Variants in TFDP2 observed in about 807,000 individuals in gnomAD.
TFDP2 encodes the protein transcription factor Dp-2 (E2F dimerization partner 2).
TFDP2 carries 17 observed loss-of-function variants against 59.3 expected under a neutral mutation model. The ratio of observed to expected loss-of-function variants is 0.29; its 90% CI spans 0.20 to 0.43. The LOEUF is 0.43. TFDP2 is among the 20% of genes least tolerant of loss of function. The pLI is 1.00. For synonymous variants in TFDP2, 180 were observed against 194.7 expected (o/e 0.92, Z 0.63); for missense variants, 391 against 528.8 (o/e 0.74, Z 2.56).
At chr3:142,101,983 T>C (rs1298961773) in intron 1 of TFDP2, 142 bp from the exon 2 acceptor site, 5 of 383,908 alleles carry the variant, frequency 1.3e-5, no homozygotes, top group Non-Finnish European at 2.3e-5. Context: ...GTTTGTACCA[T>C]CTTAATCCCC....
At chr3:142,068,223 A>G (rs1376492283) in intron 3 of TFDP2, among the ~76,000 whole-genome samples, 1 of 152,206 alleles carries the variant, frequency 6.6e-6, no homozygotes, top group African/African-American at 2.4e-5. Flanking sequence ...CTGGATATCT[A>G]CATGTAAAGA....
At chr3:142,019,053 ATT>A (rs62999460) in intron 3 of TFDP2, among the ~76,000 whole-genome samples, 6 of 140,370 alleles carry the variant, frequency 4.3e-5, no homozygotes, top group Non-Finnish European at 4.7e-5. Flanking sequence ...TTCTTCGCAC[ATT>A]TTTTTTTTTT....
intron 9 of TFDP2, among the ~76,000 whole-genome samples, chr3:141,966,772 T>C (rs571296505): frequency 1.3e-4 from 19 of 151,728 alleles, no homozygotes; most frequent in Non-Finnish European, 2.5e-4. Context: ...CTTTACTCAC[T>C]CCATTCTTCT....
At chr3:142,115,415 T>C (rs1190372896) in intron 1 of TFDP2, among the ~76,000 whole-genome samples, 1 of 151,636 alleles carries the variant, frequency 6.6e-6, no homozygotes, top group Non-Finnish European at 1.5e-5. Context: ...ACCTCCCGGA[T>C]TCACGCCATT....
Position 142,006,119 on chromosome 3 carries a change from C to T in TFDP2, c.83-575G>A, listed in dbSNP as rs11569185. Reference sequence around the variant, plus strand: ...ATACTAGAAACAGTGGGATCTGTACCGTGTTTTCAAGTGATTTCAGTATTT... The same window carrying T: ...ATACTAGAAACAGTGGGATCTGTACTGTGTTTTCAAGTGATTTCAGTATTT... On this transcript the variant is annotated intron_variant, in intron 3 of 12. Coordinates refer to ENST00000489671, the MANE Select transcript of TFDP2 (RefSeq NM_001178139.2). 9.9e-3 allele frequency among the ~76,000 whole-genome samples: 1,507 copies of T among 152,144 alleles called. 11 individuals are homozygous for T. The highest frequency in any genetic ancestry group is 0.011 in the Non-Finnish European group (776 of 67,994).
chr3:141,961,784 C>A (rs1470819097), intron 10 of TFDP2, among the ~76,000 whole-genome samples: 3 of 152,068 alleles, frequency 2.0e-5, no homozygotes, highest in Non-Finnish European at 2.9e-5. Flanking sequence ...AAAAATGGAT[C>A]AGCTTTAGTT....
At chr3:141,982,996 T>C (rs1034090005) in intron 6 of TFDP2, among the ~76,000 whole-genome samples, 2 of 152,162 alleles carry the variant, frequency 1.3e-5, no homozygotes, top group African/African-American at 4.8e-5. Context: ...GCATATAACA[T>C]ATGGTACACT....
intron 3 of TFDP2, among the ~76,000 whole-genome samples, chr3:142,034,669 T>G (rs1445477098): frequency 6.6e-6 from 1 of 151,736 alleles, no homozygotes; most frequent in Non-Finnish European, 1.5e-5. Flanking sequence ...GCCTTGCTGA[T>G]CTTACAAATC....
intron 3 of TFDP2, among the ~76,000 whole-genome samples, chr3:142,089,129 G>T: frequency 6.6e-6 from 1 of 151,954 alleles, no homozygotes; most frequent in Admixed American, 6.6e-5. Context: ...GCGTCCAGCA[G>T]GGTTTAAGAT....
At chr3:142,135,513 G>A (rs1004240677) in intron 1 of TFDP2, among the ~76,000 whole-genome samples, 2 of 151,740 alleles carry the variant, frequency 1.3e-5, no homozygotes, top group Non-Finnish European at 2.9e-5. Flanking sequence ...CCATCAACTC[G>A]TCATTTACAT....
At position 142,014,619 on chromosome 3, in the gene TFDP2, C is replaced by A. The variant is rs564260678; in HGVS notation, c.83-9075G>T. Among the ~76,000 whole-genome samples, 3 of 152,070 alleles carry A rather than the reference C, an allele frequency of 2.0e-5. 1 individual carries two copies. In the South Asian group the frequency reaches 6.2e-4, roughly 32 times the overall value. ...GTAAGATGCTAACTATAGATTACACCATCTTCTTGCTTTTCTTCTTCTGTC... is the reference window on the plus strand; with the variant it reads ...GTAAGATGCTAACTATAGATTACACAATCTTCTTGCTTTTCTTCTTCTGTC... On this transcript the variant is annotated intron_variant, in intron 3 of 12. Transcript: ENST00000489671.
At chr3:141,968,651 TATAG>T (rs1320191756) in intron 9 of TFDP2, among the ~76,000 whole-genome samples, 5 of 113,472 alleles carry the variant, frequency 4.4e-5, no homozygotes, top group South Asian at 2.6e-4. Flanking sequence ...ATATCTCATA[TATAG>T]ATATATATAA....
intron 1 of TFDP2, among the ~76,000 whole-genome samples, chr3:142,118,023 G>A (rs1281500018): frequency 1.3e-5 from 2 of 152,124 alleles, no homozygotes; most frequent in Non-Finnish European, 2.9e-5. Flanking sequence ...CCTTGAACCC[G>A]GGAGGCGGAG....
intron 3 of TFDP2, among the ~76,000 whole-genome samples, chr3:142,058,308 C>A (rs879322753): frequency 8.6e-5 from 13 of 151,062 alleles, no homozygotes; most frequent in African/African-American, 3.1e-4. Flanking sequence ...CTTCTGACAC[C>A]AAATGTTTGG....
At chr3:142,027,556 T>G (rs1325412676) in intron 3 of TFDP2, among the ~76,000 whole-genome samples, 1 of 152,098 alleles carries the variant, frequency 6.6e-6, no homozygotes, top group African/African-American at 2.4e-5. Flanking sequence ...TTTAAGTAAA[T>G]GTATTATTTA....
chr3:141,973,121 A>ATTTTTTT (rs1231433469), intron 8 of TFDP2, among the ~76,000 whole-genome samples: 1 of 57,396 alleles, frequency 1.7e-5, no homozygotes, highest in Non-Finnish European at 4.1e-5. Context: ...ATATATATAT[A>ATTTTTTT]TATTTTTTTT....
At chr3:142,144,203 G>C (rs1421447596) in intron 1 of TFDP2, among the ~76,000 whole-genome samples, 2 of 152,092 alleles carry the variant, frequency 1.3e-5, no homozygotes, top group Non-Finnish European at 2.9e-5. Flanking sequence ...GCAAAACCCT[G>C]TCTCTATTAA....
chr3:142,115,609 C>T (rs58436159), intron 1 of TFDP2, among the ~76,000 whole-genome samples: 8,568 of 152,294 alleles, frequency 0.056, 325 homozygotes, highest in Non-Finnish European at 0.078. Context: ...TGAGCCACCG[C>T]GCCCGGCCCA....
chr3:142,030,084 G>T (rs1284586802), intron 3 of TFDP2, among the ~76,000 whole-genome samples: 1 of 152,214 alleles, frequency 6.6e-6, no homozygotes, highest in African/African-American at 2.4e-5. Context: ...GTGTCTGTTA[G>T]ACACTCAAAT....
Sources: allele counts gnomAD v4.1 joint callset (sites outside exome capture counted in the v4.1 genomes callset), GRCh38; gene constraint gnomAD v4.1.1; transcripts MANE v1.5; gene names NCBI Gene and HGNC (gene_info 2026-07-23, HGNC 2026-07-21).